ITGB2: variants seen among roughly 807,000 people sequenced by gnomAD.
ITGB2 encodes integrin beta-2.
ITGB2 carries 56 observed loss-of-function variants against 86.8 expected under a neutral mutation model. The ratio of observed to expected loss-of-function variants is 0.65; its 90% CI spans 0.52 to 0.81. ITGB2 has a LOEUF of 0.81. Among genes scored for constraint, ITGB2 ranks in the 30% least tolerant of loss-of-function variants. The pLI is 0.00. For synonymous variants in ITGB2, 457 were observed against 450.4 expected (o/e 1.01, Z -0.19); for missense variants, 948 against 1,061.2 (o/e 0.89, Z 1.48).
chr21:44,888,562 G>A (rs1022541595), intron 14 of ITGB2, 131 bp downstream of exon 14: 19 of 1,043,370 alleles, frequency 1.8e-5, no homozygotes, highest in African/African-American at 1.7e-4. Flanking sequence ...AGGGCATCCC[G>A]CATGGCTCAT....
intron 9 of ITGB2, chr21:44,894,493 G>A: frequency 4.3e-6 from 1 of 234,326 alleles, no homozygotes; most frequent in South Asian, 5.8e-5. Context: ...GGTGCAGCTC[G>A]ATGGGCCGTG....
At chr21:44,924,518 C>T (rs759953674), upstream of ITGB2, among the ~76,000 whole-genome samples, 4 of 152,080 alleles carry the variant, frequency 2.6e-5, no homozygotes, top group East Asian at 1.9e-4. Context: ...CGTAACCATT[C>T]GTCTCCAACT....
upstream of ITGB2, among the ~76,000 whole-genome samples, chr21:44,923,494 T>C (rs558729852): frequency 9.2e-5 from 14 of 152,146 alleles, 1 homozygote; most frequent in South Asian, 2.9e-3. Flanking sequence ...TCGGGAGAGG[T>C]GTTGATACAA....
At chr21:44,906,763 G>T in intron 4 of ITGB2, 152 bp downstream of exon 4, 1 of 780,752 alleles carries the variant, frequency 1.3e-6, no homozygotes. Flanking sequence ...CAGCTTTCCA[G>T]CAGCCTTGGG....
At chr21:44,910,563 G>T (rs1268732101) in intron 2 of ITGB2, 162 bp downstream of exon 2, 2 of 1,391,098 alleles carry the variant, frequency 1.4e-6, no homozygotes, top group South Asian at 1.2e-5. Flanking sequence ...ACAGCCTCCT[G>T]GCACGTGCGG....
intron 10 of ITGB2, chr21:44,893,107 C>T (rs886953794): frequency 8.0e-6 from 3 of 376,330 alleles, no homozygotes; most frequent in South Asian, 4.4e-5. Flanking sequence ...AGCACCCTCT[C>T]GGCACCCTCT....
chr21:44,924,733 T>C (rs971652646), upstream of ITGB2, among the ~76,000 whole-genome samples: 1 of 152,056 alleles, frequency 6.6e-6, no homozygotes, highest in African/African-American at 2.4e-5. Context: ...ATAGCCTAGA[T>C]CACATACATC....
intron 5 of ITGB2, among the ~76,000 whole-genome samples, chr21:44,902,562 T>C (rs781407591): frequency 5.9e-5 from 9 of 151,742 alleles, no homozygotes; most frequent in Non-Finnish European, 1.0e-4. Context: ...TGTGTGTGCA[T>C]TTGAGTTTGG....
intron 4 of ITGB2, among the ~76,000 whole-genome samples, chr21:44,904,126 A>AAC (rs2084007167): frequency 6.6e-6 from 1 of 152,034 alleles, no homozygotes; most frequent in Admixed American, 6.5e-5. Flanking sequence ...GCTCTCCATA[A>AAC]ACACACATCA....
At position 44,916,871 on chromosome 21, in the gene ITGB2, GA is replaced by G. The variant is rs11404188; in HGVS notation, c.-4+3949del. ...CAACAAGAGTGAAACTGTCTCAAAA[GA>G]AAAAAAAAAAAAAAGCTAAGGGGGA... is the stretch of plus-strand genomic sequence containing the variant. On this transcript the variant is annotated intron_variant, in intron 1 of 15. Coordinates refer to ENST00000652462, the MANE Select transcript of ITGB2 (RefSeq NM_000211.5). 9.8e-3 allele frequency among the ~76,000 whole-genome samples: 678 copies of G among 68,950 alleles called. 4 individuals carry two copies. Among genetic ancestry groups the G allele is most frequent in the African/African-American group, 0.019 (446 of 23,246 alleles). The allele number at this position is 68,950 out of a possible 152,430, so 45.2% of individuals were successfully genotyped here. A position where few individuals can be genotyped will look rare whatever the true frequency, so the allele number is the denominator to read the frequency against.
chr21:44,906,455 T>TGAAACAGGTGCTCTGGTCAAGTC (rs540063983), intron 4 of ITGB2, among the ~76,000 whole-genome samples: 2 of 152,142 alleles, frequency 1.3e-5, no homozygotes, highest in East Asian at 1.9e-4. Flanking sequence ...GACTGTGTTC[T>TGAAACAGGTGCTCTGGTCAAGTC]GAAACAGGTG....
At position 44,890,147 on chromosome 21, in the gene ITGB2, G is replaced by C; in HGVS notation, c.1488C>G (p.Ser496Arg). ...QGRSSQELEGSCRKDNNSIIC... is the reference protein window; with the variant it reads ...QGRSSQELEGRCRKDNNSIIC... Reference sequence around the variant, plus strand: ...TGATGGAGTTGTTGTCCTTCCGGCAGCTTCCTTCCAGCTCCTGGCTGCTCC... The same window carrying C: ...TGATGGAGTTGTTGTCCTTCCGGCACCTTCCTTCCAGCTCCTGGCTGCTCC... The change falls in exon 12 of 16, where the codon AGC becomes AGG. Residue 496 changes from serine to arginine, a missense_variant. Ser to Arg is a moderately radical substitution (Grantham distance 110). Coordinates refer to ENST00000652462, the MANE Select transcript of ITGB2 (RefSeq NM_000211.5). The C allele has an allele frequency of 6.2e-7, 1 of 1,613,468 alleles. No individual in the cohort carries two copies. Among genetic ancestry groups the C allele is most frequent in the African/African-American group, 1.3e-5 (1 of 75,054 alleles).
intron 4 of ITGB2, among the ~76,000 whole-genome samples, chr21:44,905,141 C>T (rs59498405): frequency 0.076 from 11,511 of 152,266 alleles, 634 homozygotes; most frequent in South Asian, 0.2. Context: ...CCAAGGGGCC[C>T]CGTCCCTTCC....
chr21:44,886,597 C>T (rs1382892836), intron 15 of ITGB2, 139 bp downstream of exon 15: 14 of 1,430,452 alleles, frequency 9.8e-6, no homozygotes, highest in South Asian at 6.9e-5. Context: ...CCCACAGCGG[C>T]GGACGCCCAG....
At chr21:44,902,335 A>C (rs2083972826) in intron 5 of ITGB2, among the ~76,000 whole-genome samples, 1 of 152,178 alleles carries the variant, frequency 6.6e-6, no homozygotes, top group Non-Finnish European at 1.5e-5. Context: ...AAGTGTGAGC[A>C]TGCATTCATG....
At chr21:44,924,653 T>C (rs1601345226), upstream of ITGB2, among the ~76,000 whole-genome samples, 1 of 151,904 alleles carries the variant, frequency 6.6e-6, no homozygotes, top group Non-Finnish European at 1.5e-5. Context: ...CACAATTGAA[T>C]GAAATTAGAT....
In ITGB2 at chr21:44,886,333, G is replaced by A. The variant is rs1441546663; in HGVS notation, c.*35C>T. On this transcript the variant is annotated 3_prime_UTR_variant, in exon 16 of 16. Transcript: ENST00000652462. ...TCGGCCGCGTGATGGGGCAGACATG[G>A]TGGGTCCTGACGGCCTTGTCTTCAC... The A allele has an allele frequency of 3.1e-6, 5 of 1,594,286 alleles. No homozygotes were observed. Among genetic ancestry groups the A allele is most frequent in the Non-Finnish European group, 4.3e-6 (5 of 1,161,946 alleles).
rs2083738680 is a variant in ITGB2 at position 44,888,868 on chromosome 21, T to A, written c.1905A>T (p.Glu635Asp). 8.1e-6 allele frequency: 13 copies of A among 1,607,948 alleles called. No homozygotes were observed. Among genetic ancestry groups the A allele is most frequent in the Non-Finnish European group, 1.0e-5 (12 of 1,179,880 alleles). ...YISCAECLKF[E>D]KGPFGKNCSA... The stretch of plus-strand genomic sequence containing the variant: ...TGCAGTTCTTCCCAAAGGGGCCCTT[T>A]TCGAACTTCAGGCACTCGGCGCAGG... Residue 635 changes from glutamate (E) to aspartate (D), a missense_variant, in exon 14 of 16, where the codon GAA (glutamate) becomes GAT (aspartate). Coordinates refer to ENST00000652462, the MANE Select transcript of ITGB2 (RefSeq NM_000211.5).
chr21:44,909,029 T>G (rs1030777938), intron 3 of ITGB2, among the ~76,000 whole-genome samples: 1 of 152,174 alleles, frequency 6.6e-6, no homozygotes, highest in African/African-American at 2.4e-5. Context: ...TTCCTTAGGT[T>G]GGCAGCCGTG....
Sources: allele counts gnomAD v4.1 joint callset (sites outside exome capture counted in the v4.1 genomes callset), GRCh38; gene constraint gnomAD v4.1.1; transcripts MANE v1.5; gene names NCBI Gene and HGNC (gene_info 2026-07-23, HGNC 2026-07-21).